Variants in ATP9B observed in about 807,000 individuals in gnomAD.
ATP9B encodes ATPase phospholipid transporting 9B, also known as probable phospholipid-transporting ATPase IIB.
A neutral mutation model predicts 146.1 loss-of-function variants in ATP9B; 110 were observed. That is an observed-to-expected ratio of 0.75 (90% CI 0.65 to 0.88). The LOEUF is 0.88. Among genes scored for constraint, ATP9B ranks in the 40% least tolerant of loss-of-function variants. The probability of loss-of-function intolerance (pLI) is 0.00; values close to 1 mark genes in which losing one functional copy is unlikely to be tolerated. For missense variants in ATP9B, 1,499 were observed against 1,496.4 expected, an observed-to-expected ratio of 1.00 and a Z score of -0.03; for synonymous variants, 604 against 569.7, an observed-to-expected ratio of 1.06 and a Z score of -0.86.
intron 5 of ATP9B, among the ~76,000 whole-genome samples, chr18:79,137,521 C>T (rs2094462176): frequency 6.6e-6 from 1 of 152,168 alleles, no homozygotes; most frequent in Non-Finnish European, 1.5e-5. Flanking sequence ...TGAGGCCAGA[C>T]GTGCTCTGTG....
At position 79,377,588 on chromosome 18, in the gene ATP9B, A is replaced by C. The variant is rs1182428347; in HGVS notation, c.*205A>C. 4.5e-6 allele frequency: 3 copies of C among 660,462 alleles called. No homozygotes were observed. Among genetic ancestry groups the C allele is most frequent in the Non-Finnish European group, 7.6e-6 (3 of 397,124 alleles). 40.9% of individuals were successfully genotyped at this position (660,462 alleles called of 1,614,324 possible). ...GACGTCACCCCTGCCAGGCAAGCCCAGGGCACAGATGCCAGGATGGCTTCT... is the reference window on the plus strand; with the variant it reads ...GACGTCACCCCTGCCAGGCAAGCCCCGGGCACAGATGCCAGGATGGCTTCT... On this transcript the variant is annotated 3_prime_UTR_variant, in exon 30 of 30. Coordinates refer to ENST00000426216, the MANE Select transcript of ATP9B (RefSeq NM_198531.5).
intron 15 of ATP9B, 114 bp downstream of exon 15, chr18:79,307,348 A>C: frequency 4.1e-6 from 6 of 1,467,906 alleles, no homozygotes; most frequent in Non-Finnish European, 5.5e-6. Context: ...TCGTAGCTTT[A>C]ATGTATGTTT....
At chr18:79,145,127 G>A (rs1314667796) in intron 6 of ATP9B, 6 of 152,406 alleles carry the variant, frequency 3.9e-5, no homozygotes, top group South Asian at 3.8e-4. Context: ...CATGTCGGGG[G>A]AGCCGGCGGT....
chr18:79,186,575 A>G (rs2095309939), intron 8 of ATP9B, among the ~76,000 whole-genome samples: 1 of 152,200 alleles, frequency 6.6e-6, no homozygotes, highest in Non-Finnish European at 1.5e-5. Context: ...TCATATTTAA[A>G]TGATGAGTGA....
Position 79,203,574 on chromosome 18 carries a change from T to C in ATP9B, c.955-3363T>C, listed in dbSNP as rs576214539. Reference sequence around the variant, plus strand: ...TGTTTATTGGACAATGTTCATTGCCTATTCTGTGCTAGGTGCTAGGAAGGT... The same window carrying C: ...TGTTTATTGGACAATGTTCATTGCCCATTCTGTGCTAGGTGCTAGGAAGGT... On this transcript the variant is annotated intron_variant, in intron 9 of 29. Transcript: ENST00000426216. Among the ~76,000 whole-genome samples the C allele has an allele frequency of 1.8e-3, 280 of 152,356 alleles. 2 individuals are homozygous for C. The highest frequency in any genetic ancestry group is 3.1e-3 in the African/African-American group (130 of 41,564).
At chr18:79,279,318 G>C (rs1599542652) in intron 13 of ATP9B, among the ~76,000 whole-genome samples, 1 of 152,340 alleles carries the variant, frequency 6.6e-6, no homozygotes, top group African/African-American at 2.4e-5. Flanking sequence ...CCTTGATTTG[G>C]AAACCAGCCC....
chr18:79,224,976 G>T lies in ATP9B; in HGVS notation c.1107+10938G>T, dbSNP rs536931943. Among the ~76,000 whole-genome samples the T allele has an allele frequency of 1.3e-4, 20 of 150,962 alleles. 1 individual carries two copies. In the South Asian group the frequency reaches 4.1e-3, roughly 31 times the overall value. ...AGGAACCACGACCACAGTAACACAA[G>T]CACTGCTTCTTGTCAGACAGGAAAG... On this transcript the variant is annotated intron_variant, in intron 11 of 29. Coordinates refer to ENST00000426216, the MANE Select transcript of ATP9B (RefSeq NM_198531.5).
rs369882301 is a variant in ATP9B at position 79,119,668 on chromosome 18, CTGAG to C, written c.558+6316_558+6319del. The stretch of plus-strand genomic sequence containing the variant: ...GCACCTAGATGAGTTCTCTTGTGTC[CTGAG>C]TATCATATTGTTCGATCTGAGAATT... On this transcript the variant is annotated intron_variant, in intron 4 of 29. Coordinates refer to ENST00000426216, the MANE Select transcript of ATP9B (RefSeq NM_198531.5). Among the ~76,000 whole-genome samples the C allele has an allele frequency of 3.3e-3, 501 of 152,240 alleles. 3 individuals carry two copies. The highest frequency in any genetic ancestry group is 0.011 in the African/African-American group (463 of 41,536).
chr18:79,195,084 C>A (rs2095406296), intron 9 of ATP9B, among the ~76,000 whole-genome samples: 1 of 152,100 alleles, frequency 6.6e-6, no homozygotes, highest in African/African-American at 2.4e-5. Context: ...ATTATAATAA[C>A]CATCAGAAGA....
intron 29 of ATP9B, chr18:79,375,722 G>A: frequency 1.0e-6 from 1 of 985,382 alleles, no homozygotes; most frequent in Non-Finnish European, 1.2e-6. Context: ...AGTTGTAGGG[G>A]CTGAGCTGCT....
chr18:79,287,402 G>T (rs1234098903), intron 13 of ATP9B, among the ~76,000 whole-genome samples: 2 of 152,174 alleles, frequency 1.3e-5, no homozygotes, highest in Non-Finnish European at 2.9e-5. Context: ...TAGTTTATTT[G>T]CGTAGAGGTG....
At chr18:79,128,892 C>T (rs528738784) in intron 5 of ATP9B, among the ~76,000 whole-genome samples, 2 of 152,306 alleles carry the variant, frequency 1.3e-5, no homozygotes, top group East Asian at 3.9e-4. Flanking sequence ...AGAAAGTCAA[C>T]CTAGAAACAG....
chr18:79,305,473 T>G (rs2096615601), intron 14 of ATP9B, among the ~76,000 whole-genome samples: 1 of 152,134 alleles, frequency 6.6e-6, no homozygotes. Context: ...GTAATTCATT[T>G]AGATACGGAA....
intron 11 of ATP9B, 45 bp downstream of exon 11, chr18:79,214,083 C>T: frequency 7.0e-7 from 1 of 1,425,878 alleles, no homozygotes; most frequent in Non-Finnish European, 9.6e-7. Flanking sequence ...CTTATTTTTC[C>T]TTTCAGTAAG....
chr18:79,314,864 G>A (rs115468316), intron 15 of ATP9B, among the ~76,000 whole-genome samples: 2,356 of 152,312 alleles, frequency 0.015, 65 homozygotes, highest in African/African-American at 0.054. Flanking sequence ...ATGAGCCCTC[G>A]GAGAAGGACA....
chr18:79,103,577 G>A (rs2075442292), intron 2 of ATP9B, among the ~76,000 whole-genome samples: 1 of 152,136 alleles, frequency 6.6e-6, no homozygotes, highest in African/African-American at 2.4e-5. Context: ...GAGGAAGAAT[G>A]AAATAGTGGT....
At chr18:79,371,485 C>T (rs2097070321) in intron 26 of ATP9B, among the ~76,000 whole-genome samples, 1 of 151,764 alleles carries the variant, frequency 6.6e-6, no homozygotes, top group Non-Finnish European at 1.5e-5. Context: ...AGCATCTTCA[C>T]ACACTGACTC....
intron 13 of ATP9B, among the ~76,000 whole-genome samples, chr18:79,301,295 C>A (rs1053345501): frequency 6.6e-6 from 1 of 152,152 alleles, no homozygotes; most frequent in Non-Finnish European, 1.5e-5. Flanking sequence ...AGTTCCAGAC[C>A]AGCCTGGCCA....
intron 7 of ATP9B, among the ~76,000 whole-genome samples, chr18:79,169,740 A>G (rs374144800): frequency 5.9e-5 from 9 of 152,306 alleles, no homozygotes; most frequent in African/African-American, 2.2e-4. Context: ...GATCTTTATC[A>G]GACTTTATTA....
Sources: allele counts gnomAD v4.1 joint callset (sites outside exome capture counted in the v4.1 genomes callset), GRCh38; gene constraint gnomAD v4.1.1; transcripts MANE v1.5; gene names NCBI Gene and HGNC (gene_info 2026-07-23, HGNC 2026-07-21).